BICD1: variants seen among roughly 807,000 people sequenced by gnomAD.
BICD1 encodes the protein protein bicaudal D homolog 1.
In BICD1, 35 loss-of-function variants were observed where a neutral mutation model predicts 92.5. That is an observed-to-expected ratio of 0.38 (90% CI 0.29 to 0.50). The LOEUF is 0.50. Among genes scored for constraint, BICD1 ranks in the 20% least tolerant of loss-of-function variants. The pLI, the probability that BICD1 is intolerant of heterozygous loss-of-function variation, is 0.93. For synonymous variants in BICD1, 429 were observed against 465.1 expected (o/e 0.92, Z 1.00); for missense variants, 950 against 1,189.8 (o/e 0.80, Z 2.97).
intron 1 of BICD1, among the ~76,000 whole-genome samples, chr12:32,182,282 T>TTTTTTTC: frequency 8.6e-6 from 1 of 116,196 alleles, no homozygotes; most frequent in Non-Finnish European, 1.9e-5. Context: ...TTCTTTCTTT[T>TTTTTTTC]TTTTTTTTTT....
intron 1 of BICD1, among the ~76,000 whole-genome samples, chr12:32,118,239 C>T (rs546867285): frequency 5.3e-5 from 8 of 151,904 alleles, no homozygotes; most frequent in East Asian, 3.9e-4. Context: ...CCCGCCACTA[C>T]GCCTGGCCAA....
chr12:32,298,342 G>A (rs12321268), intron 3 of BICD1, among the ~76,000 whole-genome samples: 21,451 of 148,852 alleles, frequency 0.14, 2,079 homozygotes, highest in African/African-American at 0.27. Flanking sequence ...TGGGCGGATC[G>A]CGAGGTCAGG....
At chr12:32,119,218 A>G (rs913644237) in intron 1 of BICD1, among the ~76,000 whole-genome samples, 1 of 152,188 alleles carries the variant, frequency 6.6e-6, no homozygotes, top group Non-Finnish European at 1.5e-5. Context: ...TTCATATTTG[A>G]AATATGACCA....
chr12:32,256,185 C>T (rs1303800323), intron 2 of BICD1, among the ~76,000 whole-genome samples: 1 of 152,030 alleles, frequency 6.6e-6, no homozygotes, highest in Non-Finnish European at 1.5e-5. Flanking sequence ...CCTGAGTAGG[C>T]AGGACTACAG....
chr12:32,187,608 G>C (rs1256506629), intron 1 of BICD1, among the ~76,000 whole-genome samples: 1 of 152,184 alleles, frequency 6.6e-6, no homozygotes, highest in East Asian at 1.9e-4. Flanking sequence ...GGAGGCGGAG[G>C]TTGCAGTGAG....
At chr12:32,232,681 G>A (rs1451942236) in intron 2 of BICD1, among the ~76,000 whole-genome samples, 1 of 152,054 alleles carries the variant, frequency 6.6e-6, no homozygotes, top group Non-Finnish European at 1.5e-5. Context: ...TGTCCTGAAT[G>A]GTAATGGCTA....
intron 8 of BICD1, among the ~76,000 whole-genome samples, chr12:32,359,758 T>G (rs943405418): frequency 1.3e-5 from 2 of 152,104 alleles, no homozygotes; most frequent in African/African-American, 4.8e-5. Context: ...TCAAAGAAAT[T>G]TATTAAACCT....
intron 2 of BICD1, among the ~76,000 whole-genome samples, chr12:32,273,325 C>G (rs1399292050): frequency 2.0e-5 from 3 of 152,128 alleles, no homozygotes; most frequent in Non-Finnish European, 2.9e-5. Context: ...TGAAAAGACT[C>G]ACAAGATTCC....
At chr12:32,370,509 C>T (rs781602918) in intron 9 of BICD1, among the ~76,000 whole-genome samples, 1 of 152,152 alleles carries the variant, frequency 6.6e-6, no homozygotes, top group Non-Finnish European at 1.5e-5. Context: ...CCAAGCACCC[C>T]CAGCCCTTAC....
chr12:32,135,451 A>T (rs1454524896), intron 1 of BICD1, among the ~76,000 whole-genome samples: 1 of 117,440 alleles, frequency 8.5e-6, no homozygotes, highest in Non-Finnish European at 1.6e-5. Context: ...CCTAGGCTGG[A>T]GTGCAGTGAG....
chr12:32,204,133 G>A (rs1045270475), intron 1 of BICD1, among the ~76,000 whole-genome samples: 1 of 152,008 alleles, frequency 6.6e-6, no homozygotes, highest in African/African-American at 2.4e-5. Flanking sequence ...TGGATTGCTT[G>A]AGCCCAGGAG....
rs1465254748 is a variant in BICD1 at position 32,328,640 on chromosome 12, G to A, written c.2100+85G>A. 14 of 1,499,390 alleles carry A rather than the reference G, an allele frequency of 9.3e-6. No individual in the cohort carries two copies. The highest frequency in any genetic ancestry group is 8.1e-5 in the South Asian group (6 of 73,954). The allele number at this position is 1,499,390 out of a possible 1,614,324, so 92.9% of individuals were successfully genotyped here. A position where few individuals can be genotyped will look rare whatever the true frequency, so the allele number is the denominator to read the frequency against. ...CTAATTTTATTGAGTATCGAGTATC[G>A]TCAAGATGAGAGTTCAGATTCTTGG... On this transcript the variant is annotated intron_variant, in intron 5 of 9. Coordinates refer to ENST00000652176, the MANE Select transcript of BICD1 (RefSeq NM_001714.4). This position sits in a 1 kb window ranked among gnomAD's most constrained non-coding sequence, Gnocchi z 4.4.
chr12:32,349,213 C>T (rs1275992139), intron 8 of BICD1, among the ~76,000 whole-genome samples: 2 of 152,160 alleles, frequency 1.3e-5, no homozygotes, highest in Non-Finnish European at 2.9e-5. Flanking sequence ...CCTATTTAAT[C>T]CAATCTGCTG....
intron 1 of BICD1, among the ~76,000 whole-genome samples, chr12:32,215,911 A>C (rs962675502): frequency 7.5e-6 from 1 of 133,814 alleles, no homozygotes; most frequent in Non-Finnish European, 1.5e-5. Context: ...CCGAGATTGC[A>C]CCACTGCCCT....
At chr12:32,109,881 TCA>T (rs1186083952) in intron 1 of BICD1, among the ~76,000 whole-genome samples, 1 of 152,114 alleles carries the variant, frequency 6.6e-6, no homozygotes, top group Non-Finnish European at 1.5e-5. Context: ...TTCCAACACC[TCA>T]GTTTTGAAAA....
intron 8 of BICD1, chr12:32,367,427 C>T: frequency 2.5e-6 from 1 of 395,346 alleles, no homozygotes; most frequent in South Asian, 4.6e-5. Flanking sequence ...TCCTAATGTA[C>T]TTGAGAAATC....
intron 8 of BICD1, among the ~76,000 whole-genome samples, chr12:32,360,072 C>A (rs1292423694): frequency 6.6e-6 from 1 of 151,982 alleles, no homozygotes; most frequent in African/African-American, 2.4e-5. Context: ...GTAGTCCCAG[C>A]TACTCGGGAG....
intron 2 of BICD1, among the ~76,000 whole-genome samples, chr12:32,258,357 G>A (rs949998886): frequency 3.3e-5 from 5 of 151,954 alleles, no homozygotes; most frequent in Non-Finnish European, 7.4e-5. Context: ...TAATGAAATC[G>A]AAGACCTTTT....
intron 9 of BICD1, 30 bp downstream of exon 9, chr12:32,367,775 CA>C (rs750530928): frequency 6.3e-7 from 1 of 1,588,174 alleles, no homozygotes; most frequent in East Asian, 2.2e-5. Flanking sequence ...CCCTTCCACC[CA>C]GCTGCATGTC....
Sources: gnomAD v4.1 joint callset for allele counts (sites outside exome capture counted in the v4.1 genomes callset) on GRCh38, gnomAD v4.1.1 for gene constraint, Gnocchi (gnomAD v3.1) non-coding constraint, MANE v1.5 for transcripts, NCBI Gene and HGNC (gene_info 2026-07-23, HGNC 2026-07-21) for gene names.